PRIM2: variants seen among roughly 807,000 people sequenced by gnomAD.
PRIM2 encodes DNA primase subunit 2.
In PRIM2, 39 loss-of-function variants were observed where a neutral mutation model predicts 67.3. The ratio of observed to expected loss-of-function variants is 0.58; its 90% CI spans 0.45 to 0.76. PRIM2 has a LOEUF of 0.76. PRIM2 is among the 30% of genes least tolerant of loss of function. The probability of loss-of-function intolerance (pLI) is 0.00; values close to 1 mark genes in which losing one functional copy is unlikely to be tolerated. For missense variants in PRIM2, 398 were observed against 598.7 expected (o/e 0.66, Z 3.50); for synonymous variants, 143 against 198.7 (o/e 0.72, Z 2.36).
At position 57,553,703 on chromosome 6, in the gene PRIM2, A is replaced by G. The variant is rs1775450181; in HGVS notation, c.1020+16078A>G. ...TACTTGCTCTGAGGTTTGGTATCCT[A>G]TTCTTTAGTTATATTGCGACTGCAG... On this transcript the variant is annotated intron_variant, in intron 10 of 13. Transcript: ENST00000615550. Among the ~76,000 whole-genome samples, 3 of 151,996 alleles carry G rather than the reference A, an allele frequency of 2.0e-5. No individual in the cohort carries two copies. In the South Asian group the frequency reaches 6.2e-4, roughly 31 times the overall value.
chr6:57,294,356 C>A, the PRIM2 span, among the ~76,000 whole-genome samples: 3 of 151,878 alleles, frequency 2.0e-5, no homozygotes, highest in African/African-American at 7.3e-5. Flanking sequence ...TGGTACACAC[C>A]TGTAATCCCA....
chr6:57,379,807 A>C (rs546631219), intron 5 of PRIM2, 94 bp from the exon 6 acceptor site: 65 of 1,122,720 alleles, frequency 5.8e-5, no homozygotes, highest in Non-Finnish European at 7.1e-5. Flanking sequence ...ATTTTTAATA[A>C]AAGTAAACAG....
chr6:57,401,676 G>A (rs932798476), intron 7 of PRIM2, among the ~76,000 whole-genome samples: 2 of 152,112 alleles, frequency 1.3e-5, no homozygotes, highest in African/African-American at 4.8e-5. Flanking sequence ...TGTGCCAAGG[G>A]TCTTTTGCTT....
chr6:57,312,937 T>C (rs1767414570), upstream of PRIM2, among the ~76,000 whole-genome samples: 1 of 152,210 alleles, frequency 6.6e-6, no homozygotes, highest in Admixed American at 6.5e-5. Flanking sequence ...CCATTTAGAA[T>C]TGTCTATTTT....
chr6:57,537,492 G>A lies in PRIM2; in HGVS notation c.887G>A (p.Arg296Gln), dbSNP rs1581976579. 5.2e-6 allele frequency: 8 copies of A among 1,534,350 alleles called. No individual in the cohort carries two copies. Among genetic ancestry groups the A allele is most frequent in the Admixed American group, 1.7e-5 (1 of 58,670 alleles). Residue 296 changes from arginine to glutamine, a missense_variant, in exon 10 of 14, where the codon CGG becomes CAG. Coordinates refer to ENST00000615550, the MANE Select transcript of PRIM2 (RefSeq NM_000947.5). ...PCMRQLHKAL[R>Q]ENHHLRHGGR... ...ATGCGTCAGTTACATAAAGCCTTGC[G>A]GGAAAATCACCATCTTCGTCATGGA...
chr6:57,538,476 C>T (rs1286886152), intron 10 of PRIM2, among the ~76,000 whole-genome samples: 1 of 152,178 alleles, frequency 6.6e-6, no homozygotes, highest in African/African-American at 2.4e-5. Flanking sequence ...AATATGATTT[C>T]TTGCCCCTTC....
intron 8 of PRIM2, among the ~76,000 whole-genome samples, chr6:57,520,176 G>T (rs1483311967): frequency 1.3e-5 from 2 of 152,128 alleles, no homozygotes; most frequent in Admixed American, 1.3e-4. Context: ...CCCTACCAAA[G>T]CTCCCAAAAC....
At chr6:57,481,323 G>C (rs1419980906) in intron 7 of PRIM2, among the ~76,000 whole-genome samples, 10 of 152,008 alleles carry the variant, frequency 6.6e-5, no homozygotes, top group African/African-American at 2.4e-4. Flanking sequence ...TGTCACTCCA[G>C]AAATGTTATG....
At chr6:57,519,185 A>G (rs1331224068) in intron 8 of PRIM2, among the ~76,000 whole-genome samples, 3 of 152,266 alleles carry the variant, frequency 2.0e-5, no homozygotes, top group Non-Finnish European at 4.4e-5. Flanking sequence ...GCGAGATCAC[A>G]GGACCACAGG....
rs1376060455 is a variant in PRIM2, at chr6:57,452,108, G to A, written c.694-55279G>A. 9.7e-3 allele frequency among the ~76,000 whole-genome samples: 1,471 copies of A among 152,182 alleles called. 18 individuals are homozygous for A. Among genetic ancestry groups the A allele is most frequent in the African/African-American group, 0.033 (1,388 of 41,518 alleles). On this transcript the variant is annotated intron_variant, in intron 7 of 13. Transcript: ENST00000615550. ...TCATCCATGTCCCTACAAAGGACAT[G>A]AACTCATCATTTTTTTATGGCTGCA...
chr6:57,442,916 G>A (rs541929825), intron 7 of PRIM2, among the ~76,000 whole-genome samples: 12 of 152,078 alleles, frequency 7.9e-5, no homozygotes, highest in Admixed American at 5.2e-4. Flanking sequence ...TGTACCCTTT[G>A]ATCATCATCT....
the PRIM2 span, among the ~76,000 whole-genome samples, chr6:57,234,711 G>A: frequency 6.6e-6 from 1 of 151,964 alleles, no homozygotes; most frequent in Non-Finnish European, 1.5e-5. Context: ...TTTTAGTAGA[G>A]ATGGGGTTTC....
At position 57,606,442 on chromosome 6, in the gene PRIM2, T is replaced by A; in HGVS notation, c.1215T>A (p.Pro405=). 6.3e-7 allele frequency: 1 copy of A among 1,591,918 alleles called. No homozygotes were observed. The highest frequency in any genetic ancestry group is 8.6e-7 in the Non-Finnish European group (1 of 1,165,140). The change falls in exon 12 of 14, where the codon CCT becomes CCA. Residue 405 remains proline (P), a synonymous_variant. Transcript: ENST00000615550. ...AGTTGCAGTCATACAAGATCTCTCC[T>A]GGAGGGATAAGCCAGGTAGGTCATA... is the stretch of plus-strand genomic sequence containing the variant. ...KQKLQSYKIS[P]GGISQILDLV... is the part of the protein sequence containing the mutation.
chr6:57,241,950 G>A, the PRIM2 span, among the ~76,000 whole-genome samples: 1 of 152,238 alleles, frequency 6.6e-6, no homozygotes, highest in Admixed American at 6.5e-5. Flanking sequence ...GAGATTACAG[G>A]CGTCAGCCAC....
At chr6:57,366,451 T>G (rs937311042) in intron 5 of PRIM2, among the ~76,000 whole-genome samples, 1 of 151,694 alleles carries the variant, frequency 6.6e-6, no homozygotes, top group African/African-American at 2.4e-5. Context: ...GGAGATGTGG[T>G]TGGGGAAAAT....
At chr6:57,376,579 G>C (rs1185054019) in intron 5 of PRIM2, among the ~76,000 whole-genome samples, 6 of 152,124 alleles carry the variant, frequency 3.9e-5, no homozygotes, top group Admixed American at 6.5e-5. Context: ...TCCACACACA[G>C]AGGCATACAC....
chr6:57,360,313 TG>T (rs1293651895), intron 5 of PRIM2, among the ~76,000 whole-genome samples: 1 of 152,214 alleles, frequency 6.6e-6, no homozygotes, highest in Non-Finnish European at 1.5e-5. Flanking sequence ...TCTTAATTTT[TG>T]TATGCCATTT....
intron 5 of PRIM2, among the ~76,000 whole-genome samples, chr6:57,377,933 A>C (rs1769823147): frequency 6.6e-6 from 1 of 152,092 alleles, no homozygotes. Flanking sequence ...ATGTTCCTGT[A>C]AGGGCTCAAC....
intron 7 of PRIM2, among the ~76,000 whole-genome samples, chr6:57,453,323 A>G (rs1401513626): frequency 1.3e-5 from 2 of 152,174 alleles, no homozygotes; most frequent in East Asian, 3.8e-4. Flanking sequence ...TTCTGTGAAG[A>G]AAGTCATTGG....
Sources: gnomAD v4.1 joint callset for allele counts (sites outside exome capture counted in the v4.1 genomes callset) on GRCh38, gnomAD v4.1.1 for gene constraint, MANE v1.5 for transcripts, NCBI Gene and HGNC (gene_info 2026-07-23, HGNC 2026-07-21) for gene names.